Variants in PLXNA1 observed in about 807,000 individuals in gnomAD.
The protein encoded by PLXNA1 is plexin-A1.
In PLXNA1, 77 loss-of-function variants were observed where a neutral mutation model predicts 191.7. The observed-to-expected ratio is 0.40, with a 90% confidence interval of 0.33 to 0.49. The LOEUF (loss-of-function observed/expected upper bound fraction) is 0.49, where lower values mean the gene tolerates loss of function less well. Among genes scored for constraint, PLXNA1 ranks in the 20% least tolerant of loss-of-function variants. PLXNA1 has a pLI of 0.63. For synonymous variants in PLXNA1, 1,137 were observed against 1,156.4 expected (o/e 0.98, Z 0.34); for missense variants, 2,110 against 2,660.2 (o/e 0.79, Z 4.55).
In PLXNA1 at chr3:126,988,633, CTGCTGCTGT is replaced by C; in HGVS notation, c.49_57del (p.Leu19_Leu21del). 1 of 1,575,890 alleles carries C rather than the reference CTGCTGCTGT, an allele frequency of 6.3e-7. No individual in the cohort carries two copies. The highest frequency in any genetic ancestry group is 8.6e-7 in the Non-Finnish European group (1 of 1,161,312). ...GCGGAGCCTGCAGGTGCTCCTGCTG[CTGCTGCTGT>C]TGCTGCTGCTGCTGCCGGGCATGTG... On this transcript the variant is annotated inframe_deletion, in exon 2 of 32. Transcript: ENST00000393409.
chr3:127,029,314 C>A (rs558023077), intron 26 of PLXNA1, 126 bp from the exon 27 acceptor site: 2 of 930,582 alleles, frequency 2.1e-6, no homozygotes, highest in African/African-American at 1.6e-5. Flanking sequence ...GAGTTCCAGA[C>A]TGAGTGAGGT....
intron 4 of PLXNA1, 23 bp from the exon 5 acceptor site, chr3:127,004,588 G>A: frequency 6.5e-7 from 1 of 1,534,370 alleles, no homozygotes; most frequent in Non-Finnish European, 8.8e-7. Flanking sequence ...TACTGGAGGG[G>A]CCTGACACCT....
At chr3:126,998,418 C>G (rs1353020861) in intron 3 of PLXNA1, among the ~76,000 whole-genome samples, 2 of 152,160 alleles carry the variant, frequency 1.3e-5, no homozygotes, top group Non-Finnish European at 2.9e-5. Context: ...TCCCTGCTGC[C>G]TGTGTCCCCA....
In PLXNA1 at chr3:127,020,450, G is replaced by T. The variant is rs2079146852; in HGVS notation, c.4038+106G>T. 5 of 1,380,100 alleles carry T rather than the reference G, an allele frequency of 3.6e-6. No homozygotes were observed. The East Asian group carries it at 1.2e-4, about 33-fold the overall frequency. 85.5% of individuals were successfully genotyped at this position (1,380,100 alleles called of 1,614,324 possible). On this transcript the variant is annotated intron_variant, in intron 21 of 31. Transcript: ENST00000393409. ...TGGATGGTATGGGGCAGCCTGTGTG[G>T]CCTGGGGGAGGGTCCAGGCCTGCAG...
At chr3:126,989,821 C>A (rs1259771840) in intron 2 of PLXNA1, 34 bp downstream of exon 2, 1 of 1,535,310 alleles carries the variant, frequency 6.5e-7, no homozygotes, top group Non-Finnish European at 8.9e-7. Context: ...CCTCCCGCGG[C>A]CCCATCCCCT....
rs1016132054 is a variant in PLXNA1 at position 127,037,052 on chromosome 3, G to C, written c.*3035G>C. 1 of 152,452 alleles carries C rather than the reference G, an allele frequency of 6.6e-6. No homozygotes were observed. The highest frequency in any genetic ancestry group is 2.4e-5 in the African/African-American group (1 of 41,458). The allele number at this position is 152,452 out of a possible 1,614,324, so 9.4% of individuals were successfully genotyped here. ...TGCCATCTCGGCTCGGCCTTGCTGA[G>C]AGCCTCCGCCCTGGCTTTCTCCCTG... is the stretch of plus-strand genomic sequence containing the variant. On this transcript the variant is annotated 3_prime_UTR_variant, in exon 32 of 32. Transcript: ENST00000393409.
At chr3:127,019,098 C>G (rs1215722452) in intron 20 of PLXNA1, among the ~76,000 whole-genome samples, 2 of 152,184 alleles carry the variant, frequency 1.3e-5, no homozygotes, top group Non-Finnish European at 2.9e-5. Context: ...AAATCTGTTC[C>G]ATGCCGGGCG....
intron 3 of PLXNA1, among the ~76,000 whole-genome samples, chr3:127,000,418 C>T (rs919665926): frequency 7.2e-5 from 11 of 152,146 alleles, no homozygotes; most frequent in Non-Finnish European, 1.2e-4. Flanking sequence ...AGGGTGTGGG[C>T]GTCGGCACGT....
intron 23 of PLXNA1, 133 bp from the exon 24 acceptor site, chr3:127,027,807 C>T (rs1210598249): frequency 2.5e-6 from 3 of 1,217,828 alleles, no homozygotes; most frequent in South Asian, 2.6e-5. Flanking sequence ...CTGTACTTGC[C>T]TCCCAAAGAG....
intron 15 of PLXNA1, among the ~76,000 whole-genome samples, chr3:127,016,070 C>T (rs558779750): frequency 4.6e-5 from 7 of 152,208 alleles, no homozygotes; most frequent in East Asian, 1.9e-4. Context: ...GGGAAGGTCG[C>T]GCCAGGGCTT....
In PLXNA1 at chr3:126,989,248, G is replaced by A. The variant is rs749036813; in HGVS notation, c.655G>A (p.Val219Met). ...NEEDADMFGFVYQDEFVSSQL... is the reference protein window; with the variant it reads ...NEEDADMFGFMYQDEFVSSQL... ...GGAGGATGCCGACATGTTCGGCTTC[G>A]TGTACCAGGATGAGTTTGTGTCATC... The change falls in exon 2 of 32, where the codon GTG (valine) becomes ATG (methionine). Residue 219 changes from valine to methionine, a missense_variant. Physicochemically the swap from Val to Met is conservative, Grantham distance 21 (BLOSUM62 1). Around this residue, in one of 4 missense-constraint regions of PLXNA1, gnomAD observed 903 missense variants for 1,015.7 expected, o/e 0.89. Transcript: ENST00000393409. The A allele has an allele frequency of 5.6e-6, 9 of 1,613,660 alleles. No individual in the cohort carries two copies. Among genetic ancestry groups the A allele is most frequent in the South Asian group, 3.3e-5 (3 of 91,086 alleles).
intron 15 of PLXNA1, among the ~76,000 whole-genome samples, chr3:127,015,579 G>A (rs1188523854): frequency 6.6e-6 from 1 of 152,230 alleles, no homozygotes; most frequent in Non-Finnish European, 1.5e-5. Flanking sequence ...TGTGGGGAAG[G>A]GGGGAATCCC....
At chr3:127,015,350 G>A (rs1459377430) in intron 15 of PLXNA1, 30 bp downstream of exon 15, 1 of 1,583,360 alleles carries the variant, frequency 6.3e-7, no homozygotes, top group East Asian at 2.3e-5. Context: ...GTGGGGGCCT[G>A]GCTGCCCCTC....
At position 126,988,607 on chromosome 3, in the gene PLXNA1, C is replaced by T. The variant is rs72957093; in HGVS notation, c.14C>T (p.Pro5Leu). MPLP[P>L]RSLQVLLLLL... ...CCCCAGCCTGCCATGCCGCTGCCAC[C>T]GCGGAGCCTGCAGGTGCTCCTGCTG... Residue 5 changes from proline to leucine, a missense_variant, in exon 2 of 32, where the codon CCG becomes CTG. Physicochemically the swap from Pro to Leu is moderately conservative, Grantham distance 98. Transcript: ENST00000393409. The T allele has an allele frequency of 2.8e-4, 426 of 1,536,156 alleles. 1 individual carries two copies. In the African/African-American group the frequency reaches 4.5e-3, roughly 16 times the overall value.
Position 127,017,499 on chromosome 3 carries a change from A to G in PLXNA1, c.3351A>G (p.Pro1117=). Reference sequence around the variant, plus strand: ...TGGCCAACCCTGTGCGCAGCCCACCAGAGCTGGGGGAGCGGCCGGATGAGC... The same window carrying G: ...TGGCCAACCCTGTGCGCAGCCCACCGGAGCTGGGGGAGCGGCCGGATGAGC... ...PSVANPVRSP[P]ELGERPDELG... is the part of the protein sequence containing the mutation. The change falls in exon 18 of 32, where the codon CCA becomes CCG. Residue 1117 remains proline (P), a synonymous_variant. Coordinates refer to ENST00000393409, the MANE Select transcript of PLXNA1 (RefSeq NM_032242.4). The G allele has an allele frequency of 1.2e-6, 2 of 1,613,618 alleles. No homozygotes were observed. Among genetic ancestry groups the G allele is most frequent in the Non-Finnish European group, 1.7e-6 (2 of 1,180,014 alleles).
chr3:127,015,748 A>G (rs114707461), intron 15 of PLXNA1, among the ~76,000 whole-genome samples: 46 of 152,282 alleles, frequency 3.0e-4, no homozygotes, highest in African/African-American at 1.1e-3. Context: ...TTATCAGACT[A>G]ATCATTGGTG....
chr3:127,018,659 C>A, intron 20 of PLXNA1, 131 bp downstream of exon 20: 1 of 754,782 alleles, frequency 1.3e-6, no homozygotes, highest in Non-Finnish European at 2.1e-6. Context: ...GATAGCCTTG[C>A]TGTGCCAGAG....
intron 21 of PLXNA1, among the ~76,000 whole-genome samples, chr3:127,020,744 G>A (rs575958470): frequency 6.6e-6 from 1 of 152,246 alleles, no homozygotes; most frequent in Non-Finnish European, 1.5e-5. Context: ...TGGGGGTCCC[G>A]CCTGCGGCTC....
At position 127,014,643 on chromosome 3, in the gene PLXNA1, T is replaced by C; in HGVS notation, c.2756+14T>C. 6.5e-7 allele frequency: 1 copy of C among 1,541,830 alleles called. No individual in the cohort carries two copies. Among genetic ancestry groups the C allele is most frequent in the East Asian group, 2.3e-5 (1 of 44,146 alleles). On this transcript the variant is annotated intron_variant, in intron 13 of 31. Coordinates refer to ENST00000393409, the MANE Select transcript of PLXNA1 (RefSeq NM_032242.4). ...CAGTGCGGAGCAGTGAGTGCAGCCC[T>C]GGGTGTGTGCGGGGCGGGACGGGAC...
Sources: allele counts gnomAD v4.1 joint callset (sites outside exome capture counted in the v4.1 genomes callset), GRCh38; gene constraint gnomAD v4.1.1; regional missense constraint gnomAD v4.1.1; transcripts MANE v1.5; gene names NCBI Gene and HGNC (gene_info 2026-07-23, HGNC 2026-07-21).